Variants in PON1 observed in about 807,000 individuals in gnomAD.
The protein encoded by PON1 is serum paraoxonase/arylesterase 1.
Under a neutral mutation model 39.2 loss-of-function variants are expected in PON1, and 37 were observed. That is an observed-to-expected ratio of 0.94 (90% confidence interval 0.73 to 1.24). The LOEUF (loss-of-function observed/expected upper bound fraction) is 1.24, where lower values mean the gene tolerates loss of function less well. Ranked by LOEUF, PON1 falls within the 50% of genes most tolerant of loss-of-function variation. The pLI is 0.00. For synonymous variants in PON1, 148 were observed against 152.2 expected (o/e 0.97, Z 0.21); for missense variants, 397 against 413.5 (o/e 0.96, Z 0.35).
chr7:95,316,087 T>G, intron 3 of PON1, among the ~76,000 whole-genome samples: 1 of 152,226 alleles, frequency 6.6e-6, no homozygotes, highest in East Asian at 1.9e-4. Flanking sequence ...AAAACTGGAC[T>G]AAGTAAATTA....
At chr7:95,307,019 ACTTG>A (rs888258276) in intron 6 of PON1, among the ~76,000 whole-genome samples, 2 of 147,944 alleles carry the variant, frequency 1.4e-5, no homozygotes, top group Non-Finnish European at 3.0e-5. Context: ...TGTTGCTCTC[ACTTG>A]CTTGCTTGCT....
rs3046670 is a variant in PON1 at position 95,322,330 on chromosome 7, A to ATG, written c.74+2070_74+2071dup. ...GTTTTATATAAATATAAATATATGT[A>ATG]TGTGTGTGTGTGTGTGTGTGTATAT... On this transcript the variant is annotated intron_variant, in intron 1 of 8. Transcript: ENST00000222381. Among the ~76,000 whole-genome samples the ATG allele has an allele frequency of 3.9e-4, 49 of 124,900 alleles. 1 individual carries two copies. The highest frequency in any genetic ancestry group is 1.3e-3 in the African/African-American group (42 of 31,756). The allele number at this position is 124,900 out of a possible 152,430, so 81.9% of individuals were successfully genotyped here.
intron 7 of PON1, among the ~76,000 whole-genome samples, chr7:95,305,533 G>C (rs772260544): frequency 6.6e-6 from 1 of 152,136 alleles, no homozygotes; most frequent in Non-Finnish European, 1.5e-5. Context: ...GGTAATAAAG[G>C]GTATGAATAA....
At position 95,298,167 on chromosome 7, in the gene PON1, A is replaced by T. The variant is rs1030088954; in HGVS notation, c.*777T>A. ...TAGCTTCGCCCATGTCAATTATGGG[A>T]TTCATTCTGTATCCAGTCATCGAAG... On this transcript the variant is annotated 3_prime_UTR_variant, in exon 9 of 9. Transcript: ENST00000222381. 1 of 152,344 alleles carries T rather than the reference A, an allele frequency of 6.6e-6. No homozygotes were observed. Among genetic ancestry groups the T allele is most frequent in the Non-Finnish European group, 1.5e-5 (1 of 68,178 alleles). The allele number at this position is 152,344 out of a possible 1,614,324, so 9.4% of individuals were successfully genotyped here.
chr7:95,303,781 C>G (rs529904422), intron 7 of PON1, among the ~76,000 whole-genome samples: 1 of 152,274 alleles, frequency 6.6e-6, no homozygotes, highest in Non-Finnish European at 1.5e-5. Context: ...TCTCACACTC[C>G]CACAAAGGCA....
chr7:95,308,475 C>CGTGTGTGT (rs10548570), intron 5 of PON1, among the ~76,000 whole-genome samples: 5 of 147,078 alleles, frequency 3.4e-5, no homozygotes, highest in African/African-American at 7.5e-5. Flanking sequence ...AGTGTTACGT[C>CGTGTGTGT]GTGTGTGTGT....
At chr7:95,305,043 T>C (rs1299079829) in intron 7 of PON1, among the ~76,000 whole-genome samples, 3 of 152,188 alleles carry the variant, frequency 2.0e-5, no homozygotes, top group African/African-American at 7.2e-5. Context: ...GCGTGTGAAA[T>C]TCCATTTTAC....
At chr7:95,300,794 A>G (rs1807402803) in intron 8 of PON1, among the ~76,000 whole-genome samples, 1 of 152,214 alleles carries the variant, frequency 6.6e-6, no homozygotes, top group Non-Finnish European at 1.5e-5. Context: ...CATTCTGCTC[A>G]GTTCTGAGCA....
chr7:95,320,598 T>C (rs1807874627), intron 1 of PON1, among the ~76,000 whole-genome samples: 1 of 152,246 alleles, frequency 6.6e-6, no homozygotes, highest in Admixed American at 6.5e-5. Context: ...ATAAAGTGGC[T>C]GAGCAGGGAT....
rs775559293 is a variant in PON1 at position 95,324,380 on chromosome 7, CCCTCA to C, written c.74+17_74+21del. ...GGAGTGAGGAGGACGAAGGCTGCAG[CCCTCA>C]CCACAACCCAACTTACTGGTAAGAA... On this transcript the variant is annotated intron_variant, in intron 1 of 8. Coordinates refer to ENST00000222381, the MANE Select transcript of PON1 (RefSeq NM_000446.7). The C allele has an allele frequency of 3.7e-6, 6 of 1,612,124 alleles. No individual in the cohort carries two copies. The highest frequency in any genetic ancestry group is 4.2e-6 in the Non-Finnish European group (5 of 1,178,180).
intron 8 of PON1, among the ~76,000 whole-genome samples, chr7:95,299,840 C>T (rs1807378916): frequency 6.6e-6 from 1 of 152,102 alleles, no homozygotes; most frequent in Non-Finnish European, 1.5e-5. Flanking sequence ...AGTTCTGTCC[C>T]TCTAGGGAAC....
rs565598241 is a variant in PON1 at position 95,318,389 on chromosome 7, G to C, written c.79C>G (p.Arg27Gly). The C allele has an allele frequency of 1.2e-6, 2 of 1,605,752 alleles. No individual in the cohort carries two copies. Among genetic ancestry groups the C allele is most frequent in the Admixed American group, 3.3e-5 (2 of 59,984 alleles). ...TGTACCTCTCGGAGAGCATTAAGTCGTGTTCTGTGGGGGAGAAAGAAATAA... is the reference window on the plus strand; with the variant it reads ...TGTACCTCTCGGAGAGCATTAAGTCCTGTTCTGTGGGGGAGAAAGAAATAA... Reference protein sequence around the residue: ...FRNHQSSYQTRLNALREVQPV... With the variant: ...FRNHQSSYQTGLNALREVQPV... The change falls in exon 2 of 9, where the codon CGA becomes GGA. Residue 27 changes from arginine to glycine, a missense_variant. Coordinates refer to ENST00000222381, the MANE Select transcript of PON1 (RefSeq NM_000446.7).
chr7:95,307,889 C>T, intron 6 of PON1, 122 bp downstream of exon 6: 2 of 1,005,760 alleles, frequency 2.0e-6, no homozygotes, highest in Non-Finnish European at 3.0e-6. Flanking sequence ...TTACATTTTT[C>T]CTAATTTTAT....
At chr7:95,306,785 T>C (rs1005599271) in intron 6 of PON1, among the ~76,000 whole-genome samples, 3 of 151,944 alleles carry the variant, frequency 2.0e-5, no homozygotes, top group South Asian at 4.2e-4. Flanking sequence ...CCAGAGAAAA[T>C]ATGAGAGAAG....
chr7:95,298,752 A>T lies in PON1; in HGVS notation c.*192T>A. 1 of 671,756 alleles carries T rather than the reference A, an allele frequency of 1.5e-6. No homozygotes were observed. The highest frequency in any genetic ancestry group is 1.8e-5 in the African/African-American group (1 of 55,842). 41.6% of individuals were successfully genotyped at this position (671,756 alleles called of 1,614,324 possible). ...GAGGTTTTCAAGTATTCCAAGACTG[A>T]TTTGATAGTGTATTCTCAAAAAAAA... On this transcript the variant is annotated 3_prime_UTR_variant, in exon 9 of 9. Coordinates refer to ENST00000222381, the MANE Select transcript of PON1 (RefSeq NM_000446.7).
chr7:95,300,984 C>CTT lies in PON1; in HGVS notation c.909+1219_909+1220dup, dbSNP rs201687198. ...TGTAAATGGAAATACACATTTGTTTCTTTTTTTTTTAACCCAAGAGATACG... is the reference window on the plus strand; with the variant it reads ...TGTAAATGGAAATACACATTTGTTTCTTTTTTTTTTTTAACCCAAGAGATACG... On this transcript the variant is annotated intron_variant, in intron 8 of 8. Coordinates refer to ENST00000222381, the MANE Select transcript of PON1 (RefSeq NM_000446.7). Among the ~76,000 whole-genome samples, 574 of 147,498 alleles carry CTT rather than the reference C, an allele frequency of 3.9e-3. 4 individuals are homozygous for CTT. Among genetic ancestry groups the CTT allele is most frequent in the South Asian group, 0.031 (143 of 4,640 alleles).
rs1273684763 is a variant in PON1 at position 95,308,179 on chromosome 7, T to C, written c.530A>G (p.His177Arg). The C allele has an allele frequency of 6.2e-7, 1 of 1,614,016 alleles. No individual in the cohort carries two copies. The highest frequency in any genetic ancestry group is 8.5e-7 in the Non-Finnish European group (1 of 1,180,012). The change falls in exon 6 of 9, where the codon CAC becomes CGC. Residue 177 changes from histidine to arginine, a missense_variant. His to Arg is a conservative substitution (Grantham distance 29). Coordinates refer to ENST00000222381, the MANE Select transcript of PON1 (RefSeq NM_000446.7). ...ATAGTGATCATTTGTGCCATAAAAGTGCTCAGGTCCCACAGCAACAATATC... is the reference window on the plus strand; with the variant it reads ...ATAGTGATCATTTGTGCCATAAAAGCGCTCAGGTCCCACAGCAACAATATC... The part of the protein sequence containing the change: ...LNDIVAVGPE[H>R]FYGTNDHYFL...
chr7:95,308,399 C>G (rs1284910900), intron 5 of PON1, among the ~76,000 whole-genome samples, 188 bp from the exon 6 acceptor site: 1 of 151,584 alleles, frequency 6.6e-6, no homozygotes, highest in Non-Finnish European at 1.5e-5. Context: ...AATCATTGGT[C>G]TAAGAAATCT....
chr7:95,309,853 T>C (rs987016555), intron 5 of PON1, among the ~76,000 whole-genome samples: 3 of 152,120 alleles, frequency 2.0e-5, no homozygotes, highest in African/African-American at 7.2e-5. Flanking sequence ...ATTAATGTTA[T>C]AAAAAACCAT....
Sources: gnomAD v4.1 joint callset for allele counts (sites outside exome capture counted in the v4.1 genomes callset) on GRCh38, gnomAD v4.1.1 for gene constraint, MANE v1.5 for transcripts, NCBI Gene and HGNC (gene_info 2026-07-23, HGNC 2026-07-21) for gene names.